Variants in RBFOX1 observed in about 807,000 individuals in gnomAD.
RBFOX1 encodes RNA binding fox-1 homolog 1.
A neutral mutation model predicts 57.7 loss-of-function variants in RBFOX1; 8 were observed. The observed-to-expected ratio is 0.14, with a 90% CI of 0.08 to 0.25. The LOEUF is 0.25. Ranked by LOEUF, RBFOX1 falls within the 10% of genes least tolerant of loss-of-function variation. The pLI is 1.00. For missense variants in RBFOX1, 611 were observed against 548.5 expected (o/e 1.11, Z -1.14); for synonymous variants, 326 against 222.4 (o/e 1.47, Z -4.15).
At chr16:7,556,895 T>C (rs959535825) in intron 5 of RBFOX1, among the ~76,000 whole-genome samples, 7 of 152,240 alleles carry the variant, frequency 4.6e-5, no homozygotes, top group Admixed American at 4.6e-4. Flanking sequence ...AGTTTAAAAT[T>C]ACTAAGTCAT....
chr16:6,240,589 C>G (rs1040968371), intron 1 of RBFOX1, among the ~76,000 whole-genome samples: 2 of 152,032 alleles, frequency 1.3e-5, no homozygotes, highest in African/African-American at 2.4e-5. Context: ...CCTACTGAAA[C>G]TTCACCCCAG....
rs868554691 is a variant in RBFOX1 at position 7,333,196 on chromosome 16, C to G, written c.28-184951C>G. The G allele has an allele frequency of 2.8e-5, 28 of 998,634 alleles. No homozygotes were observed. In the African/African-American group the frequency reaches 3.7e-4, roughly 13 times the overall value. 61.9% of individuals were successfully genotyped at this position (998,634 alleles called of 1,614,324 possible). ...AACACTTTTAATACAGGAAAAAGCC[C>G]TCGCGTAGTCAGTGAGAAGACAGTA... On this transcript the variant is annotated intron_variant, in intron 4 of 15. Transcript: ENST00000550418.
intron 1 of RBFOX1, among the ~76,000 whole-genome samples, chr16:6,150,443 A>T (rs1359560696): frequency 1.3e-5 from 2 of 152,012 alleles, no homozygotes; most frequent in African/African-American, 4.8e-5. Context: ...ACTTCTGGAA[A>T]TTCTTTCCTT....
chr16:5,871,453 G>T (rs1162166905), intron 4 of RBFOX1, among the ~76,000 whole-genome samples: 1 of 152,192 alleles, frequency 6.6e-6, no homozygotes, highest in Non-Finnish European at 1.5e-5. Flanking sequence ...TTGTTCCTAA[G>T]TTGCTACTGT....
rs150077063 is a variant in RBFOX1, at chr16:6,339,649, T to TTTTTA, written c.-64+22627_-64+22631dup. Among the ~76,000 whole-genome samples, 1,113 of 145,290 alleles carry TTTTTA rather than the reference T, an allele frequency of 7.7e-3. 13 individuals are homozygous for TTTTTA. Among genetic ancestry groups the TTTTTA allele is most frequent in the African/African-American group, 0.018 (698 of 38,500 alleles). On this transcript the variant is annotated intron_variant, in intron 2 of 15. Transcript: ENST00000550418. ...TAAACATCTTAAGCGATTCCTTTAT[T>TTTTTA]TTTTATTTTATTTTATTTTATTTTA...
intron 1 of RBFOX1, among the ~76,000 whole-genome samples, chr16:6,308,005 A>G (rs1020357508): frequency 1.3e-5 from 2 of 149,932 alleles, no homozygotes. Context: ...TGTTATTTAC[A>G]TATTTTTATA....
intron 2 of RBFOX1, among the ~76,000 whole-genome samples, chr16:6,562,854 T>TTCTC (rs2097198027): frequency 1.9e-5 from 1 of 53,694 alleles, no homozygotes; most frequent in Non-Finnish European, 3.2e-5. Flanking sequence ...CTTTCTTTCT[T>TTCTC]TCTTTCTTTC....
At chr16:7,494,212 G>C (rs767945345) in intron 4 of RBFOX1, among the ~76,000 whole-genome samples, 1 of 152,184 alleles carries the variant, frequency 6.6e-6, no homozygotes, top group Non-Finnish European at 1.5e-5. Flanking sequence ...TTTGAGCATG[G>C]TGGTCAGATG....
chr16:5,856,601 A>ATATATATATATATATATATATATG lies in RBFOX1; in HGVS notation c.319-10698_319-10697insTATATATATATATATATATGTATA, dbSNP rs1321996342. 2.7e-4 allele frequency among the ~76,000 whole-genome samples: 29 copies of ATATATATATATATATATATATATG among 107,290 alleles called. 1 individual carries two copies. The highest frequency in any genetic ancestry group is 1.1e-3 in the African/African-American group (29 of 27,522). The allele number at this position is 107,290 out of a possible 152,430, so 70.4% of individuals were successfully genotyped here. On this transcript the variant is annotated intron_variant, in intron 3 of 19. Transcript: ENST00000641259. Reference sequence around the variant, plus strand: ...TATATATATATATATATATATATATATATAATCTTAGCCAGATCTTCTGGA... The same window carrying ATATATATATATATATATATATATG: ...TATATATATATATATATATATATATATATATATATATATATATATATATGTATAATCTTAGCCAGATCTTCTGGA...
At chr16:7,478,306 A>T (rs73500376) in intron 4 of RBFOX1, among the ~76,000 whole-genome samples, 1 of 152,200 alleles carries the variant, frequency 6.6e-6, no homozygotes, top group Non-Finnish European at 1.5e-5. Context: ...ACCTTGTTCA[A>T]ATAGCTAAAA....
At chr16:6,798,531 G>C (rs775075879) in intron 3 of RBFOX1, among the ~76,000 whole-genome samples, 3 of 152,122 alleles carry the variant, frequency 2.0e-5, no homozygotes, top group Non-Finnish European at 4.4e-5. Flanking sequence ...AGGAAGCCCA[G>C]ATAACACCCC....
chr16:5,947,050 A>G lies in RBFOX1; in HGVS notation c.351+79715A>G, dbSNP rs985552976. 1.3e-5 allele frequency among the ~76,000 whole-genome samples: 2 copies of G among 152,114 alleles called. No individual in the cohort carries two copies. Among genetic ancestry groups the G allele is most frequent in the Non-Finnish European group, 2.9e-5 (2 of 68,012 alleles). On this transcript the variant is annotated intron_variant, in intron 4 of 19. Transcript: ENST00000641259. This position sits in a 1 kb window ranked among gnomAD's most constrained non-coding sequence, Gnocchi z 7.2. ...AATATAGTGACACCCCATCTGTACA[A>G]AATAAAGTGAAAATAAAATCATCCC...
chr16:5,867,435 T>G (rs903910392), intron 4 of RBFOX1: 3 of 842,304 alleles, frequency 3.6e-6, no homozygotes, highest in Non-Finnish European at 4.7e-6. Context: ...TCTTCCGTGT[T>G]TCATTTCCTG....
chr16:5,297,700 C>T (rs2063702678), intron 1 of RBFOX1, among the ~76,000 whole-genome samples: 3 of 152,146 alleles, frequency 2.0e-5, no homozygotes, highest in Non-Finnish European at 2.9e-5. Context: ...GCTGTTTCTT[C>T]ATTGAAGGAG....
chr16:7,144,319 C>T lies in RBFOX1; in HGVS notation c.27+92221C>T, dbSNP rs369781221. ...GCACAAAGATAACACCATTTTGTACCGTCACTTTAGGGTTCACACTTTCTG... is the reference window on the plus strand; with the variant it reads ...GCACAAAGATAACACCATTTTGTACTGTCACTTTAGGGTTCACACTTTCTG... On this transcript the variant is annotated intron_variant, in intron 4 of 15. Transcript: ENST00000550418. Among the ~76,000 whole-genome samples, 18 of 152,044 alleles carry T rather than the reference C, an allele frequency of 1.2e-4. No homozygotes were observed. In the East Asian group the frequency reaches 1.4e-3, roughly 11 times the overall value.
At chr16:6,961,546 G>A (rs550996770) in intron 3 of RBFOX1, among the ~76,000 whole-genome samples, 2 of 152,296 alleles carry the variant, frequency 1.3e-5, no homozygotes, top group South Asian at 2.1e-4. Context: ...TTTATTAGAC[G>A]AGCGAAGAAA....
chr16:6,986,134 G>C (rs898796689), intron 3 of RBFOX1, among the ~76,000 whole-genome samples: 4 of 145,446 alleles, frequency 2.8e-5, no homozygotes, highest in African/African-American at 1.0e-4. Context: ...AAAAATGTAA[G>C]ACTTGTACAA....
intron 1 of RBFOX1, among the ~76,000 whole-genome samples, chr16:5,374,178 T>A (rs533047674): frequency 6.6e-6 from 1 of 152,238 alleles, no homozygotes; most frequent in Admixed American, 6.5e-5. Context: ...GCTCAGCTGT[T>A]CCACCCACCT....
chr16:5,481,432 G>T (rs1391518736), intron 2 of RBFOX1, among the ~76,000 whole-genome samples: 1 of 152,234 alleles, frequency 6.6e-6, no homozygotes, highest in African/African-American at 2.4e-5. Context: ...CTAACCCAGT[G>T]TATTTTCAGT....
Sources: allele counts gnomAD v4.1 joint callset (sites outside exome capture counted in the v4.1 genomes callset), GRCh38; gene constraint gnomAD v4.1.1; non-coding constraint Gnocchi (gnomAD v3.1); transcripts MANE v1.5; gene names NCBI Gene and HGNC (gene_info 2026-07-23, HGNC 2026-07-21).